Variants in TDRD7 observed in about 807,000 individuals in gnomAD.
The protein encoded by TDRD7 is tudor domain containing 7.
A neutral mutation model predicts 109.8 loss-of-function variants in TDRD7; 47 were observed. The observed-to-expected ratio is 0.43, with a 90% CI of 0.34 to 0.55. TDRD7 has a LOEUF of 0.55. Ranked by LOEUF, TDRD7 falls within the 20% of genes least tolerant of loss-of-function variation. The pLI is 0.03. For missense variants in TDRD7, 1,164 were observed against 1,319.2 expected (o/e 0.88, Z 1.82); for synonymous variants, 424 against 457.3 (o/e 0.93, Z 0.93).
chr9:97,438,480 A>G (rs1047877426), intron 4 of TDRD7, among the ~76,000 whole-genome samples: 1 of 152,156 alleles, frequency 6.6e-6, no homozygotes, highest in African/African-American at 2.4e-5. Context: ...TTCTTACAAT[A>G]TTCATTTGCC....
At chr9:97,495,006 C>T (rs147920597) in intron 16 of TDRD7, among the ~76,000 whole-genome samples, 172 of 152,224 alleles carry the variant, frequency 1.1e-3, no homozygotes, top group African/African-American at 4.0e-3. Context: ...CCACTGTGCC[C>T]GGCCAATGTG....
chr9:97,495,837 A>G lies in TDRD7; in HGVS notation c.3251A>G (p.His1084Arg), dbSNP rs1355200965. The G allele has an allele frequency of 6.2e-7, 1 of 1,614,212 alleles. No individual in the cohort carries two copies. The highest frequency in any genetic ancestry group is 1.1e-5 in the South Asian group (1 of 91,082). The change falls in exon 17 of 17, where the codon CAT (histidine) becomes CGT (arginine). Residue 1084 changes from histidine to arginine, a missense_variant. Coordinates refer to ENST00000355295, the MANE Select transcript of TDRD7 (RefSeq NM_014290.3). ...TTGCCAGACACCGATACCTGGATTC[A>G]TGATTTTATGTCAGAGTATCTGATA... The part of the protein sequence containing the change: ...TSLPDTDTWI[H>R]DFMSEYLIEL...
intron 11 of TDRD7, among the ~76,000 whole-genome samples, chr9:97,474,011 A>C (rs1238551740): frequency 6.6e-6 from 1 of 152,132 alleles, no homozygotes; most frequent in Non-Finnish European, 1.5e-5. Context: ...GCAAGGAGAA[A>C]CCTTGGAATT....
intron 15 of TDRD7, among the ~76,000 whole-genome samples, chr9:97,485,189 C>T (rs1829192207): frequency 6.6e-6 from 1 of 152,136 alleles, no homozygotes; most frequent in South Asian, 2.1e-4. Flanking sequence ...TTTATTACAG[C>T]GGTTTCCAAA....
intron 8 of TDRD7, 146 bp downstream of exon 8, chr9:97,465,174 T>C (rs1828801195): frequency 9.4e-7 from 1 of 1,063,112 alleles, no homozygotes; most frequent in African/African-American, 1.6e-5. Flanking sequence ...AGATAATATC[T>C]GTAAAAGGTT....
intron 13 of TDRD7, chr9:97,480,382 G>A (rs1325788066): frequency 4.7e-6 from 1 of 210,772 alleles, no homozygotes; most frequent in African/African-American, 2.3e-5. Context: ...CTCAGGAAAT[G>A]CTGAATGAAG....
chr9:97,460,863 C>T (rs1318798607), intron 7 of TDRD7, 99 bp downstream of exon 7: 21 of 1,168,314 alleles, frequency 1.8e-5, no homozygotes, highest in South Asian at 5.2e-5. Flanking sequence ...ATAATATGGC[C>T]GGGTGCGGTG....
intron 4 of TDRD7, among the ~76,000 whole-genome samples, chr9:97,435,787 A>T (rs2118329682): frequency 6.6e-6 from 1 of 152,292 alleles, no homozygotes; most frequent in South Asian, 2.1e-4. Flanking sequence ...TAACATTTCT[A>T]GTTATAAAAT....
intron 15 of TDRD7, among the ~76,000 whole-genome samples, chr9:97,484,901 C>G (rs1198472309): frequency 6.6e-6 from 1 of 152,192 alleles, no homozygotes; most frequent in Non-Finnish European, 1.5e-5. Flanking sequence ...GAGAACACAT[C>G]AACTGGAGAG....
chr9:97,490,555 G>C (rs1478034269), intron 16 of TDRD7, among the ~76,000 whole-genome samples: 1 of 143,170 alleles, frequency 7.0e-6, no homozygotes, highest in Admixed American at 6.9e-5. Flanking sequence ...TTGGTGGGGG[G>C]GGGGGCATTT....
At chr9:97,431,905 G>C in intron 3 of TDRD7, 120 bp from the exon 4 acceptor site, 1 of 938,920 alleles carries the variant, frequency 1.1e-6, no homozygotes, top group Admixed American at 1.7e-5. Context: ...ACCTCCTCGT[G>C]TTCTTACAAA....
chr9:97,435,557 G>A (rs1335569350), intron 4 of TDRD7, among the ~76,000 whole-genome samples: 1 of 151,528 alleles, frequency 6.6e-6, no homozygotes, highest in Non-Finnish European at 1.5e-5. Flanking sequence ...GATCACTTGA[G>A]CCTGAGAGTT....
intron 12 of TDRD7, 145 bp from the exon 13 acceptor site, chr9:97,478,294 A>C (rs1214590261): frequency 1.5e-6 from 1 of 658,134 alleles, no homozygotes; most frequent in Admixed American, 2.8e-5. Flanking sequence ...TAGTAAATAA[A>C]TACATTTTAA....
rs199582339 is a variant in TDRD7, at chr9:97,463,375, G to GTTTT, written c.1443-1466_1443-1463dup. 1.0e-4 allele frequency among the ~76,000 whole-genome samples: 15 copies of GTTTT among 143,316 alleles called. No individual in the cohort carries two copies. In the East Asian group the frequency reaches 1.7e-3, roughly 16 times the overall value. The allele number at this position is 143,316 out of a possible 152,430, so 94.0% of individuals were successfully genotyped here. On this transcript the variant is annotated intron_variant, in intron 7 of 16. Transcript: ENST00000355295. ...TTCCATTTTGTGTAGGACTTTCTGA[G>GTTTT]TTTTGTTTTTTTTTTTTTTTTTCTC...
chr9:97,441,595 G>A (rs1245135882), intron 5 of TDRD7, 63 bp from the exon 6 acceptor site: 2 of 1,393,626 alleles, frequency 1.4e-6, no homozygotes, highest in Non-Finnish European at 9.9e-7. Context: ...CAAATATTAG[G>A]TAATGGGGAT....
intron 7 of TDRD7, among the ~76,000 whole-genome samples, chr9:97,461,102 C>T (rs1036386267): frequency 1.8e-4 from 27 of 150,906 alleles, no homozygotes; most frequent in Non-Finnish European, 3.7e-4. Flanking sequence ...GATTGTGCCA[C>T]TGCACTCCAG....
At chr9:97,455,369 A>G (rs953084511) in intron 6 of TDRD7, among the ~76,000 whole-genome samples, 1 of 152,206 alleles carries the variant, frequency 6.6e-6, no homozygotes, top group Non-Finnish European at 1.5e-5. Flanking sequence ...AGAGATGCAC[A>G]ACAACAAAAA....
At chr9:97,478,707 G>C in intron 13 of TDRD7, 134 bp downstream of exon 13, 1 of 1,300,318 alleles carries the variant, frequency 7.7e-7, no homozygotes, top group South Asian at 1.2e-5. Context: ...GTGGTTGTCT[G>C]CTGGTTTTCA....
At chr9:97,470,532 A>G in intron 8 of TDRD7, 26 bp from the exon 9 acceptor site, 2 of 1,582,440 alleles carry the variant, frequency 1.3e-6, no homozygotes, top group Non-Finnish European at 8.7e-7. Flanking sequence ...ATAAAGAACT[A>G]AACATTCTGT....
Sources: gnomAD v4.1 joint callset for allele counts (sites outside exome capture counted in the v4.1 genomes callset) on GRCh38, gnomAD v4.1.1 for gene constraint, MANE v1.5 for transcripts, NCBI Gene and HGNC (gene_info 2026-07-23, HGNC 2026-07-21) for gene names.